Variants in ATP9A observed in about 807,000 individuals in gnomAD.
The protein encoded by ATP9A is ATPase phospholipid transporting 9A, also known as probable phospholipid-transporting ATPase IIA.
ATP9A carries 52 observed loss-of-function variants against 144.1 expected under a neutral mutation model. That is an observed-to-expected ratio of 0.36 (90% CI 0.29 to 0.45). ATP9A has a LOEUF of 0.45. Among genes scored for constraint, ATP9A ranks in the 20% least tolerant of loss-of-function variants. The probability of loss-of-function intolerance (pLI) is 1.00; values close to 1 mark genes in which losing one functional copy is unlikely to be tolerated. For missense variants in ATP9A, 947 were observed against 1,392.7 expected, an observed-to-expected ratio of 0.68 and a Z score of 5.09; for synonymous variants, 582 against 557.4, an observed-to-expected ratio of 1.04 and a Z score of -0.62.
chr20:51,629,405 A>G (rs1361453960), intron 15 of ATP9A, among the ~76,000 whole-genome samples: 13 of 152,212 alleles, frequency 8.5e-5, no homozygotes, highest in Admixed American at 7.2e-4. Flanking sequence ...AGATATCATC[A>G]AACTGTGGTC....
intron 13 of ATP9A, among the ~76,000 whole-genome samples, chr20:51,666,267 A>G (rs558335578): frequency 1.3e-5 from 2 of 152,214 alleles, no homozygotes; most frequent in African/African-American, 4.8e-5. Flanking sequence ...CTGTTCTCCA[A>G]TGCTACTGTA....
At chr20:51,701,095 A>T (rs1264373698) in intron 4 of ATP9A, among the ~76,000 whole-genome samples, 2 of 152,038 alleles carry the variant, frequency 1.3e-5, no homozygotes, top group South Asian at 4.2e-4. Flanking sequence ...AAATTTACAC[A>T]TTGTCTTTGG....
At chr20:51,672,871 A>C (rs1407855946) in intron 11 of ATP9A, among the ~76,000 whole-genome samples, 4 of 141,264 alleles carry the variant, frequency 2.8e-5, no homozygotes, top group African/African-American at 1.0e-4. Flanking sequence ...AAGTTATTCA[A>C]AACACTGCTC....
At chr20:51,707,409 AAATGCCTGCTTC>A (rs1368327504) in intron 4 of ATP9A, among the ~76,000 whole-genome samples, 1 of 152,060 alleles carries the variant, frequency 6.6e-6, no homozygotes, top group African/African-American at 2.4e-5. Context: ...GACACTTAAG[AAATGCCTGCTTC>A]AATACCATCC....
intron 7 of ATP9A, among the ~76,000 whole-genome samples, chr20:51,691,842 T>G (rs1209271721): frequency 6.6e-6 from 1 of 152,166 alleles, no homozygotes; most frequent in African/African-American, 2.4e-5. Context: ...TGGAAGCAAC[T>G]CAAACAAGCA....
intron 9 of ATP9A, among the ~76,000 whole-genome samples, chr20:51,682,626 T>C (rs1025070487): frequency 3.7e-5 from 5 of 133,772 alleles, no homozygotes; most frequent in African/African-American, 1.4e-4. Flanking sequence ...GTTTCCCTCT[T>C]GTGGCCCAGG....
intron 27 of ATP9A, among the ~76,000 whole-genome samples, chr20:51,602,649 CT>C (rs1213830916): frequency 6.6e-6 from 1 of 152,202 alleles, no homozygotes; most frequent in Non-Finnish European, 1.5e-5. Context: ...GAAACCTTTA[CT>C]TTTCAGGGGA....
At chr20:51,763,479 A>C (rs1047857621) in intron 1 of ATP9A, among the ~76,000 whole-genome samples, 46 of 151,558 alleles carry the variant, frequency 3.0e-4, no homozygotes, top group African/African-American at 1.1e-3. Flanking sequence ...CACCCAGCTA[A>C]TTTTTTGTAT....
chr20:51,658,890 G>GTGGGGT (rs57163076), intron 13 of ATP9A, among the ~76,000 whole-genome samples: 2 of 55,046 alleles, frequency 3.6e-5, no homozygotes, highest in African/African-American at 1.4e-4. Context: ...ACCACTGGCG[G>GTGGGGT]GGGGGGGGGG....
intron 9 of ATP9A, among the ~76,000 whole-genome samples, chr20:51,676,790 AT>A (rs1331512498): frequency 7.3e-6 from 1 of 137,450 alleles, no homozygotes; most frequent in East Asian, 2.3e-4. Flanking sequence ...CAATTTTTGT[AT>A]TTTTAGTTGA....
rs141527894 is a variant in ATP9A, at chr20:51,703,860, T to C, written c.437-6378A>G. ...TTGTTCATGCAGGGCACTGATTGCT[T>C]TTGTAGATCTCTAACAACAATCTCC... On this transcript the variant is annotated intron_variant, in intron 4 of 27. Coordinates refer to ENST00000338821, the MANE Select transcript of ATP9A (RefSeq NM_006045.3). 3.2e-4 allele frequency among the ~76,000 whole-genome samples: 49 copies of C among 152,304 alleles called. No homozygotes were observed. In the East Asian group the frequency reaches 5.0e-3, roughly 16 times the overall value.
chr20:51,752,974 C>T (rs187414992), intron 1 of ATP9A, among the ~76,000 whole-genome samples: 20 of 152,118 alleles, frequency 1.3e-4, no homozygotes, highest in African/African-American at 4.1e-4. Context: ...TGGTTATGCA[C>T]GCCTGTAATC....
At chr20:51,743,343 T>C (rs1028112260) in intron 1 of ATP9A, among the ~76,000 whole-genome samples, 1 of 149,224 alleles carries the variant, frequency 6.7e-6, no homozygotes, top group Non-Finnish European at 1.5e-5. Context: ...ACAAATAAAC[T>C]TCCATCCCAC....
intron 19 of ATP9A, among the ~76,000 whole-genome samples, chr20:51,620,208 C>T (rs571246274): frequency 7.9e-5 from 12 of 152,276 alleles, no homozygotes; most frequent in South Asian, 4.1e-4. Flanking sequence ...CAAAAGCAGT[C>T]GTACACCATA....
At chr20:51,699,843 A>G (rs1389452019) in intron 4 of ATP9A, among the ~76,000 whole-genome samples, 1 of 151,906 alleles carries the variant, frequency 6.6e-6, no homozygotes, top group Non-Finnish European at 1.5e-5. Context: ...GGGTTTCACC[A>G]TATTGGCCAG....
At chr20:51,706,707 G>A (rs937715247) in intron 4 of ATP9A, among the ~76,000 whole-genome samples, 2 of 152,194 alleles carry the variant, frequency 1.3e-5, no homozygotes, top group East Asian at 1.9e-4. Context: ...CTGTGACTGT[G>A]CCACTGTACT....
intron 1 of ATP9A, among the ~76,000 whole-genome samples, chr20:51,750,281 C>G (rs888173287): frequency 6.6e-6 from 1 of 152,196 alleles, no homozygotes; most frequent in African/African-American, 2.4e-5. Flanking sequence ...CCATTCACCT[C>G]CCCCAGGCCT....
At chr20:51,694,668 G>A (rs56691698) in intron 6 of ATP9A, among the ~76,000 whole-genome samples, 1 of 152,132 alleles carries the variant, frequency 6.6e-6, no homozygotes, top group African/African-American at 2.4e-5. Context: ...GTTCAGAACA[G>A]GACTGATCGA....
chr20:51,719,795 C>T (rs1426913170), intron 3 of ATP9A, among the ~76,000 whole-genome samples: 6 of 126,870 alleles, frequency 4.7e-5, no homozygotes, highest in Non-Finnish European at 6.9e-5. Flanking sequence ...GCCTATAATC[C>T]CAATACTTTG....
Sources: gnomAD v4.1 joint callset for allele counts (sites outside exome capture counted in the v4.1 genomes callset) on GRCh38, gnomAD v4.1.1 for gene constraint, MANE v1.5 for transcripts, NCBI Gene and HGNC (gene_info 2026-07-23, HGNC 2026-07-21) for gene names.